The following FOXL3 variants were observed in gnomAD, a reference collection of about 807,000 sequenced individuals.
FOXL3 encodes the protein forkhead box protein L3.
Under a neutral mutation model 10.9 loss-of-function variants are expected in FOXL3, and 16 were observed. The observed-to-expected ratio is 1.46, with a 90% CI of 0.99 to 2.22. FOXL3 has a LOEUF of 2.22. Among genes scored for constraint, FOXL3 ranks in the 30% most tolerant of loss-of-function variants. FOXL3 has a pLI of 0.00. For missense variants in FOXL3, 400 were observed against 337.9 expected (o/e 1.18, Z -1.44); for synonymous variants, 170 against 152.0 (o/e 1.12, Z -0.87).
rs1778640944 is a variant in FOXL3 at position 291,217 on chromosome 7, CG to C, written c.437del (p.Gly146AlafsTer?). 1.7e-6 allele frequency: 2 copies of C among 1,163,700 alleles called. No individual in the cohort carries two copies. The highest frequency in any genetic ancestry group is 4.8e-5 in the Admixed American group (1 of 21,004). 72.1% of individuals were successfully genotyped at this position (1,163,700 alleles called of 1,614,324 possible). A position where few individuals can be genotyped will look rare whatever the true frequency, so the allele number is the denominator to read the frequency against. On this transcript the variant is annotated frameshift_variant, in exon 3 of 3. Coordinates refer to ENST00000506382, the MANE Select transcript of FOXL3 (RefSeq NM_001374838.1). LOFTEE classifies it low-confidence loss of function (END_TRUNC). ...PKREGPRGPR[A>X]GGAQGPSGPS... ...CGCGAGGGGCCGAGGGGTCCGCGCG[CG>C]GGGGGCGCCCAGGGGCCGTCGGGTC...
Position 291,163 on chromosome 7 carries a change from G to T in FOXL3, c.377G>T (p.Arg126Leu), listed in dbSNP as rs1455139104. 8.0e-7 allele frequency: 1 copy of T among 1,245,930 alleles called. No individual in the cohort carries two copies. The highest frequency in any genetic ancestry group is 1.0e-6 in the Non-Finnish European group (1 of 990,028). The allele number at this position is 1,245,930 out of a possible 1,614,324, so 77.2% of individuals were successfully genotyped here. A position where few individuals can be genotyped will look rare whatever the true frequency, so the allele number is the denominator to read the frequency against. ...LLDLFENGNY[R>L]RRRRRRGPKR... ...GACCTCTTCGAGAACGGCAACTACC[G>T]GCGGCGGCGGCGGCGGCGCGGCCCC... is the stretch of plus-strand genomic sequence containing the variant. Residue 126 changes from arginine to leucine, a missense_variant, in exon 3 of 3, where the codon CGG (arginine) becomes CTG (leucine). By Grantham distance (102) the Arg-to-Leu change is moderately radical. Transcript: ENST00000506382.
chr7:290,573 G>C, intron 1 of FOXL3, 80 bp from the exon 2 acceptor site: 1 of 1,328,688 alleles, frequency 7.5e-7, no homozygotes, highest in Non-Finnish European at 9.9e-7. Flanking sequence ...CCGCCTCTGC[G>C]CCCCACGGCG....
intron 2 of FOXL3, 59 bp from the exon 3 acceptor site, chr7:291,004 A>G: frequency 1.5e-6 from 2 of 1,324,038 alleles, no homozygotes; most frequent in Non-Finnish European, 1.9e-6. Context: ...CGAGGGGACA[A>G]GGCGGGCGGG....
In FOXL3 at chr7:290,810, T is replaced by C; in HGVS notation, c.265T>C (p.Cys89Arg). The C allele has an allele frequency of 6.8e-7, 1 of 1,475,460 alleles. No homozygotes were observed. Among genetic ancestry groups the C allele is most frequent in the South Asian group, 1.4e-5 (1 of 69,248 alleles). The allele number at this position is 1,475,460 out of a possible 1,614,324, so 91.4% of individuals were successfully genotyped here. ...CCGCCACAACCTGTCCCTCAACAGCTGCTTCGTCAAGGTGAGCGCCGCCCC... is the reference window on the plus strand; with the variant it reads ...CCGCCACAACCTGTCCCTCAACAGCCGCTTCGTCAAGGTGAGCGCCGCCCC... Reference protein sequence around the residue: ...SIRHNLSLNSCFVKVPRSEGH... With the variant: ...SIRHNLSLNSRFVKVPRSEGH... The change falls in exon 2 of 3, where the codon TGC becomes CGC. Residue 89 changes from cysteine to arginine, a missense_variant. By Grantham distance (180) the Cys-to-Arg change is radical (BLOSUM62 -3). Transcript: ENST00000506382.
Position 291,257 on chromosome 7 carries a change from C to T in FOXL3, c.471C>T (p.Pro157=). Residue 157 remains proline (P), a synonymous_variant, in exon 3 of 3, where the codon CCC becomes CCT. Transcript: ENST00000506382. ...GGCCGTCGGGTCCGTCCGAGCCGCC[C>T]GCCGCTCAGGGGCGCCTGGCCCCGG... The part of the protein sequence containing the change: ...AQGPSGPSEP[P]AAQGRLAPDS... The T allele has an allele frequency of 2.5e-6, 3 of 1,181,546 alleles. No homozygotes were observed. Among genetic ancestry groups the T allele is most frequent in the Non-Finnish European group, 3.1e-6 (3 of 955,552 alleles). 73.2% of individuals were successfully genotyped at this position (1,181,546 alleles called of 1,614,324 possible). A position where few individuals can be genotyped will look rare whatever the true frequency, so the allele number is the denominator to read the frequency against.
Position 290,840 on chromosome 7 carries a change from G to T in FOXL3, c.276+19G>T. On this transcript the variant is annotated intron_variant, in intron 2 of 2. Transcript: ENST00000506382. Reference sequence around the variant, plus strand: ...CGTCAAGGTGAGCGCCGCCCCCGACGGGCCCCGGGTGTCCCAGCGTGGCGA... The same window carrying T: ...CGTCAAGGTGAGCGCCGCCCCCGACTGGCCCCGGGTGTCCCAGCGTGGCGA... 3.6e-6 allele frequency: 5 copies of T among 1,406,440 alleles called. No individual in the cohort carries two copies. Among genetic ancestry groups the T allele is most frequent in the Non-Finnish European group, 4.6e-6 (5 of 1,083,056 alleles). 87.1% of individuals were successfully genotyped at this position (1,406,440 alleles called of 1,614,324 possible). A position where few individuals can be genotyped will look rare whatever the true frequency, so the allele number is the denominator to read the frequency against.
chr7:291,008 G>C lies in FOXL3; in HGVS notation c.277-55G>C, dbSNP rs1458272770. 7 of 1,325,400 alleles carry C rather than the reference G, an allele frequency of 5.3e-6. No individual in the cohort carries two copies. In the African/African-American group the frequency reaches 9.3e-5, roughly 18 times the overall value. 82.1% of individuals were successfully genotyped at this position (1,325,400 alleles called of 1,614,324 possible). On this transcript the variant is annotated intron_variant, in intron 2 of 2. Coordinates refer to ENST00000506382, the MANE Select transcript of FOXL3 (RefSeq NM_001374838.1). ...CCAGGGCGCCCCGAGGGGACAAGGCGGGCGGGCGCACCGTGCAGCGGAGCC... is the reference window on the plus strand; with the variant it reads ...CCAGGGCGCCCCGAGGGGACAAGGCCGGCGGGCGCACCGTGCAGCGGAGCC...
Position 291,180 on chromosome 7 carries a change from C to A in FOXL3, c.394C>A (p.Arg132Ser), listed in dbSNP as rs923262794. 1.9e-4 allele frequency: 246 copies of A among 1,261,766 alleles called. 2 individuals carry two copies. The highest frequency in any genetic ancestry group is 1.2e-3 in the Admixed American group (29 of 24,178). 78.2% of individuals were successfully genotyped at this position (1,261,766 alleles called of 1,614,324 possible). The change falls in exon 3 of 3, where the codon CGC becomes AGC. Residue 132 changes from arginine to serine, a missense_variant. Coordinates refer to ENST00000506382, the MANE Select transcript of FOXL3 (RefSeq NM_001374838.1). ...NGNYRRRRRR[R>S]GPKREGPRGP... ...CAACTACCGGCGGCGGCGGCGGCGG[C>A]GCGGCCCCAAGCGCGAGGGGCCGAG...
chr7:291,125 C>T lies in FOXL3; in HGVS notation c.339C>T (p.Cys113=), dbSNP rs1217226567. The T allele has an allele frequency of 1.4e-6, 2 of 1,403,822 alleles. No homozygotes were observed. The highest frequency in any genetic ancestry group is 1.9e-6 in the Non-Finnish European group (2 of 1,078,078). The allele number at this position is 1,403,822 out of a possible 1,614,324, so 87.0% of individuals were successfully genotyped here. The stretch of plus-strand genomic sequence containing the variant: ...ACTACTGGACGTTCGCGGGCGGCTG[C>T]GAGTCGCTGCTGGACCTCTTCGAGA... The part of the protein sequence containing the change: ...KGNYWTFAGG[C]ESLLDLFENG... The change falls in exon 3 of 3, where the codon TGC becomes TGT. Residue 113 remains cysteine, a synonymous_variant. Transcript: ENST00000506382.
chr7:290,889 C>T (rs950750176), intron 2 of FOXL3, 68 bp downstream of exon 2: 1 of 1,325,466 alleles, frequency 7.5e-7, no homozygotes, highest in Non-Finnish European at 9.6e-7. Context: ...GCCTCGGTGG[C>T]GGGGAAGGGA....
chr7:290,618 C>G (rs980111644), intron 1 of FOXL3, 35 bp from the exon 2 acceptor site: 8 of 1,411,210 alleles, frequency 5.7e-6, no homozygotes, highest in Non-Finnish European at 6.4e-6. Flanking sequence ...GGGGGCTGCC[C>G]GGTGGAGACC....
In FOXL3 at chr7:291,315, C is replaced by G; in HGVS notation, c.529C>G (p.Pro177Ala). The change falls in exon 3 of 3, where the codon CCC becomes GCC. Residue 177 changes from proline (P) to alanine (A), a missense_variant. Pro to Ala is a conservative substitution (Grantham distance 27). Transcript: ENST00000506382. ...SAGEGAPGRE[P>A]PASPAPPGKE... Reference sequence around the variant, plus strand: ...TGGCGAGGGCGCCCCGGGCCGTGAGCCCCCCGCCAGCCCCGCTCCCCCGGG... The same window carrying G: ...TGGCGAGGGCGCCCCGGGCCGTGAGGCCCCCGCCAGCCCCGCTCCCCCGGG... 1 of 1,256,500 alleles carries G rather than the reference C, an allele frequency of 8.0e-7. No homozygotes were observed. Among genetic ancestry groups the G allele is most frequent in the Non-Finnish European group, 1.0e-6 (1 of 1,000,564 alleles). 77.8% of individuals were successfully genotyped at this position (1,256,500 alleles called of 1,614,324 possible).
In FOXL3 at chr7:291,007, CGG is replaced by C; in HGVS notation, c.277-54_277-53del. 7 of 1,322,940 alleles carry C rather than the reference CGG, an allele frequency of 5.3e-6. No individual in the cohort carries two copies. In the Admixed American group the frequency reaches 2.9e-4, roughly 55 times the overall value. 82.0% of individuals were successfully genotyped at this position (1,322,940 alleles called of 1,614,324 possible). A position where few individuals can be genotyped will look rare whatever the true frequency, so the allele number is the denominator to read the frequency against. ...TCCAGGGCGCCCCGAGGGGACAAGG[CGG>C]GCGGGCGCACCGTGCAGCGGAGCCG... On this transcript the variant is annotated intron_variant, in intron 2 of 2. Transcript: ENST00000506382.
Position 291,401 on chromosome 7 carries a change from CT to C in FOXL3, c.617del (p.Phe206SerfsTer?). On this transcript the variant is annotated frameshift_variant, in exon 3 of 3. Transcript: ENST00000506382. LOFTEE classifies it low-confidence loss of function (END_TRUNC). ...IDYILSSPDP[F>X]PGLKPPCLAQ... ...ACTACATCCTGTCCTCCCCAGACCCCTTCCCTGGGCTCAAGCCGCCCTGCCT... is the reference window on the plus strand; with the variant it reads ...ACTACATCCTGTCCTCCCCAGACCCCTCCCTGGGCTCAAGCCGCCCTGCCT... The C allele has an allele frequency of 7.8e-7, 1 of 1,277,506 alleles. No individual in the cohort carries two copies. The highest frequency in any genetic ancestry group is 9.9e-7 in the Non-Finnish European group (1 of 1,010,296). The allele number at this position is 1,277,506 out of a possible 1,614,324, so 79.1% of individuals were successfully genotyped here.
intron 1 of FOXL3, 126 bp from the exon 2 acceptor site, chr7:290,527 C>G (rs1778617905): frequency 9.8e-7 from 1 of 1,023,954 alleles, no homozygotes; most frequent in Non-Finnish European, 1.4e-6. Context: ...GGACCGCGAG[C>G]TGCGGGGACA....
rs1778645719 is a variant in FOXL3, at chr7:291,366, T to G, written c.580T>G (p.Phe194Val). The change falls in exon 3 of 3, where the codon TTC becomes GTC. Residue 194 changes from phenylalanine to valine, a missense_variant. Physicochemically the swap from Phe to Val is conservative, Grantham distance 50. Transcript: ENST00000506382. Reference protein sequence around the residue: ...PGKEHPRDLKFSIDYILSSPD... With the variant: ...PGKEHPRDLKVSIDYILSSPD... ...GAAGGAGCACCCCCGGGACCTCAAG[T>G]TCAGCATCGACTACATCCTGTCCTC... 1 of 1,317,994 alleles carries G rather than the reference T, an allele frequency of 7.6e-7. No individual in the cohort carries two copies. The highest frequency in any genetic ancestry group is 1.5e-5 in the African/African-American group (1 of 65,438). The allele number at this position is 1,317,994 out of a possible 1,614,324, so 81.6% of individuals were successfully genotyped here. A position where few individuals can be genotyped will look rare whatever the true frequency, so the allele number is the denominator to read the frequency against.
Position 291,413 on chromosome 7 carries a change from C to T in FOXL3, c.627C>T (p.Leu209=). 2 of 1,269,926 alleles carry T rather than the reference C, an allele frequency of 1.6e-6. No individual in the cohort carries two copies. The highest frequency in any genetic ancestry group is 2.0e-6 in the Non-Finnish European group (2 of 1,006,266). The allele number at this position is 1,269,926 out of a possible 1,614,324, so 78.7% of individuals were successfully genotyped here. ...CCTCCCCAGACCCCTTCCCTGGGCTCAAGCCGCCCTGCCTCGCACAAGAGG... is the reference window on the plus strand; with the variant it reads ...CCTCCCCAGACCCCTTCCCTGGGCTTAAGCCGCCCTGCCTCGCACAAGAGG... ...ILSSPDPFPG[L]KPPCLAQEGR... Residue 209 remains leucine, a synonymous_variant, in exon 3 of 3, where the codon CTC becomes CTT. Transcript: ENST00000506382.
Position 290,781 on chromosome 7 carries a change from C to T in FOXL3, c.236C>T (p.Ser79Phe), listed in dbSNP as rs1204384631. 4.0e-6 allele frequency: 6 copies of T among 1,494,814 alleles called. No homozygotes were observed. The East Asian group carries it at 1.3e-4, about 33-fold the overall frequency. The allele number at this position is 1,494,814 out of a possible 1,614,324, so 92.6% of individuals were successfully genotyped here. A position where few individuals can be genotyped will look rare whatever the true frequency, so the allele number is the denominator to read the frequency against. Residue 79 changes from serine to phenylalanine, a missense_variant, in exon 2 of 3, where the codon TCC becomes TTC. Physicochemically the swap from Ser to Phe is radical, Grantham distance 155. Transcript: ENST00000506382. ...GCCAACCAGCGCGCCTGGCAGAACT[C>T]CATCCGCCACAACCTGTCCCTCAAC... ...YRANQRAWQNSIRHNLSLNSC... is the reference protein window; with the variant it reads ...YRANQRAWQNFIRHNLSLNSC...
Position 291,070 on chromosome 7 carries a change from G to A in FOXL3, c.284G>A (p.Arg95Gln), listed in dbSNP as rs1012520752. The change falls in exon 3 of 3, where the codon CGG (arginine) becomes CAG (glutamine). Residue 95 changes from arginine (R) to glutamine (Q), a missense_variant. Transcript: ENST00000506382. Reference sequence around the variant, plus strand: ...CTCCCTCCGCGCGCGCAGGTGCCGCGGTCCGAGGGCCACGAGAAGGGCAAA... The same window carrying A: ...CTCCCTCCGCGCGCGCAGGTGCCGCAGTCCGAGGGCCACGAGAAGGGCAAA... ...SLNSCFVKVPRSEGHEKGKGN... is the reference protein window; with the variant it reads ...SLNSCFVKVPQSEGHEKGKGN... 10 of 1,407,164 alleles carry A rather than the reference G, an allele frequency of 7.1e-6. No individual in the cohort carries two copies. The highest frequency in any genetic ancestry group is 4.5e-5 in the African/African-American group (3 of 66,002). The allele number at this position is 1,407,164 out of a possible 1,614,324, so 87.2% of individuals were successfully genotyped here. A position where few individuals can be genotyped will look rare whatever the true frequency, so the allele number is the denominator to read the frequency against.
Sources: gnomAD v4.1 joint callset for allele counts on GRCh38, gnomAD v4.1.1 for gene constraint, MANE v1.5 for transcripts, NCBI Gene and HGNC (gene_info 2026-07-23, HGNC 2026-07-21) for gene names.